Variants in PCSK5 observed in about 807,000 individuals in gnomAD.
The protein encoded by PCSK5 is prohormone convertase 5.
Under a neutral mutation model 233.2 loss-of-function variants are expected in PCSK5, and 129 were observed. That is an observed-to-expected ratio of 0.55 (90% CI 0.48 to 0.64). The LOEUF (loss-of-function observed/expected upper bound fraction) is 0.64. Among genes scored for constraint, PCSK5 ranks in the 30% least tolerant of loss-of-function variants. The probability of loss-of-function intolerance (pLI) is 0.00; values close to 1 mark genes in which losing one functional copy is unlikely to be tolerated. For synonymous variants in PCSK5, 825 were observed against 879.2 expected (o/e 0.94, Z 1.09); for missense variants, 2,076 against 2,430.1 (o/e 0.85, Z 3.06).
chr9:76,001,288 A>T (rs1170705332), intron 3 of PCSK5, among the ~76,000 whole-genome samples: 1 of 152,064 alleles, frequency 6.6e-6, no homozygotes, highest in South Asian at 2.1e-4. Context: ...AATGTATCCC[A>T]CACATGTCAT....
intron 1 of PCSK5, among the ~76,000 whole-genome samples, chr9:75,920,406 G>A (rs13292426): frequency 0.14 from 20,720 of 151,874 alleles, 1,722 homozygotes; most frequent in Non-Finnish European, 0.18. Flanking sequence ...CTCCTGCCTC[G>A]GCCTCCCAAA....
At chr9:76,183,372 A>C (rs1418843889) in intron 16 of PCSK5, among the ~76,000 whole-genome samples, 1 of 152,188 alleles carries the variant, frequency 6.6e-6, no homozygotes, top group Non-Finnish European at 1.5e-5. Context: ...CCATTTATGT[A>C]CAACATGATG....
intron 2 of PCSK5, among the ~76,000 whole-genome samples, chr9:75,958,949 A>G (rs1222933040): frequency 6.6e-6 from 1 of 152,234 alleles, no homozygotes; most frequent in Non-Finnish European, 1.5e-5. Flanking sequence ...AGAAGCTGAC[A>G]TTGTGGCACA....
At chr9:76,095,608 T>C (rs931356642) in intron 7 of PCSK5, among the ~76,000 whole-genome samples, 1 of 152,232 alleles carries the variant, frequency 6.6e-6, no homozygotes, top group African/African-American at 2.4e-5. Context: ...CACAGGATCC[T>C]TGAAAGAATT....
At chr9:76,334,666 G>A (rs1829627702) in intron 34 of PCSK5, among the ~76,000 whole-genome samples, 1 of 152,296 alleles carries the variant, frequency 6.6e-6, no homozygotes, top group Middle Eastern at 3.4e-3. Context: ...AGGAGGCCAA[G>A]GTTGCAGTGA....
At chr9:76,172,217 G>A in intron 13 of PCSK5, among the ~76,000 whole-genome samples, 1 of 152,084 alleles carries the variant, frequency 6.6e-6, no homozygotes, top group Non-Finnish European at 1.5e-5. Flanking sequence ...TTGATTTTTG[G>A]CACATTGAAC....
At chr9:75,892,056 A>G (rs1182710395) in intron 1 of PCSK5, among the ~76,000 whole-genome samples, 1 of 152,098 alleles carries the variant, frequency 6.6e-6, no homozygotes, top group Non-Finnish European at 1.5e-5. Context: ...GGGAGGTGGG[A>G]AACTTCCGAA....
intron 21 of PCSK5, among the ~76,000 whole-genome samples, chr9:76,229,750 T>C (rs1826015502): frequency 6.6e-6 from 1 of 152,254 alleles, no homozygotes; most frequent in Non-Finnish European, 1.5e-5. Flanking sequence ...TTACAGTTCA[T>C]GTCACACACA....
At chr9:76,235,098 T>G (rs1186905763) in intron 22 of PCSK5, among the ~76,000 whole-genome samples, 1 of 152,208 alleles carries the variant, frequency 6.6e-6, no homozygotes, top group Non-Finnish European at 1.5e-5. Flanking sequence ...CTACCTTGTT[T>G]CTGCTGTATT....
intron 1 of PCSK5, among the ~76,000 whole-genome samples, chr9:75,930,715 G>A (rs987375307): frequency 5.3e-5 from 8 of 152,090 alleles, no homozygotes; most frequent in African/African-American, 1.9e-4. Flanking sequence ...TGGAAATTCT[G>A]TTTCTTTCCA....
chr9:76,020,601 A>G (rs900652116), intron 3 of PCSK5, among the ~76,000 whole-genome samples: 95 of 152,300 alleles, frequency 6.2e-4, no homozygotes, highest in African/African-American at 1.9e-3. Context: ...CTCCTACCAT[A>G]GTGATGTATA....
At chr9:76,326,641 A>C (rs1222973933) in intron 32 of PCSK5, among the ~76,000 whole-genome samples, 1 of 152,160 alleles carries the variant, frequency 6.6e-6, no homozygotes, top group Non-Finnish European at 1.5e-5. Flanking sequence ...TGAGAGGATA[A>C]TATAAACAAT....
chr9:76,252,189 A>G (rs1051663108), intron 24 of PCSK5, among the ~76,000 whole-genome samples: 13 of 152,188 alleles, frequency 8.5e-5, no homozygotes, highest in Non-Finnish European at 1.8e-4. Context: ...AAAGGCGTGA[A>G]CCTGGGAGGC....
At chr9:76,311,696 G>C (rs1225706734) in intron 30 of PCSK5, among the ~76,000 whole-genome samples, 3 of 152,100 alleles carry the variant, frequency 2.0e-5, no homozygotes, top group African/African-American at 7.2e-5. Context: ...GACATAACAG[G>C]GTTTATTATC....
chr9:76,320,626 A>G (rs1829170049), intron 30 of PCSK5, among the ~76,000 whole-genome samples: 1 of 150,764 alleles, frequency 6.6e-6, no homozygotes, highest in Non-Finnish European at 1.5e-5. Flanking sequence ...GGCGCAAGCC[A>G]TCACACCTGG....
rs1367691993 is a variant in PCSK5, at chr9:76,165,210, TAGAAG to T, written c.1620-4490_1620-4486del. ...TGAATCACTTTAAAAAAATAAAAAA[TAGAAG>T]AGAGAAAAGAGAAAATTTCCAGGAA... On this transcript the variant is annotated intron_variant, in intron 12 of 37. Transcript: ENST00000674117. Among the ~76,000 whole-genome samples the T allele has an allele frequency of 3.9e-5, 6 of 152,138 alleles. No homozygotes were observed. In the South Asian group the frequency reaches 8.3e-4, roughly 21 times the overall value.
rs543361179 is a variant in PCSK5 at position 76,180,087 on chromosome 9, G to GTGTATA, written c.2003+390_2003+391insGTATAT. 9.5e-3 allele frequency among the ~76,000 whole-genome samples: 1,266 copies of GTGTATA among 132,576 alleles called. 14 individuals are homozygous for GTGTATA. The highest frequency in any genetic ancestry group is 0.03 in the African/African-American group (1,025 of 34,608). 87.0% of individuals were successfully genotyped at this position (132,576 alleles called of 152,430 possible). A position where few individuals can be genotyped will look rare whatever the true frequency, so the allele number is the denominator to read the frequency against. ...TGTTTATATATATATGTGTGTGTGT[G>GTGTATA]TATATATATATATATATACACACAC... On this transcript the variant is annotated intron_variant, in intron 15 of 37. Coordinates refer to ENST00000674117, the MANE Select transcript of PCSK5 (RefSeq NM_001372043.1).
chr9:76,327,971 T>C (rs12338438), intron 32 of PCSK5, 38 bp from the exon 33 acceptor site: 152,680 of 1,350,688 alleles, frequency 0.11, 9,768 homozygotes, highest in African/African-American at 0.17. Context: ...CCACCCTGGC[T>C]CTCGCTCACT....
intron 33 of PCSK5, among the ~76,000 whole-genome samples, chr9:76,329,008 G>A (rs1194979327): frequency 3.9e-5 from 5 of 129,466 alleles, no homozygotes; most frequent in Non-Finnish European, 8.2e-5. Flanking sequence ...TGGTAGAGAC[G>A]GGGTTTCACC....
Sources: allele counts gnomAD v4.1 joint callset (sites outside exome capture counted in the v4.1 genomes callset), GRCh38; gene constraint gnomAD v4.1.1; transcripts MANE v1.5; gene names NCBI Gene and HGNC (gene_info 2026-07-23, HGNC 2026-07-21).